Variants in DCDC1 observed in about 807,000 individuals in gnomAD.
DCDC1 encodes doublecortin domain containing 1, also known as doublecortin domain-containing protein 1.
A neutral mutation model predicts 178.3 loss-of-function variants in DCDC1; 200 were observed. That is an observed-to-expected ratio of 1.12 (90% CI 1.00 to 1.26). The LOEUF is 1.26. Among genes scored for constraint, DCDC1 ranks in the 50% most tolerant of loss-of-function variants. The probability of loss-of-function intolerance (pLI) is 0.00; values close to 1 mark genes in which losing one functional copy is unlikely to be tolerated. For missense variants in DCDC1, 1,983 were observed against 1,749.2 expected (o/e 1.13, Z -2.38); for synonymous variants, 690 against 604.8 (o/e 1.14, Z -2.07).
At chr11:31,094,538 G>A (rs531949459) in intron 15 of DCDC1, among the ~76,000 whole-genome samples, 2 of 152,180 alleles carry the variant, frequency 1.3e-5, no homozygotes, top group East Asian at 1.9e-4. Flanking sequence ...AAAATGGTAC[G>A]CTCATTTCTG....
rs1261361580 is a variant in DCDC1, at chr11:31,158,275, AT to A, written c.1222-20492del. 2.0e-5 allele frequency among the ~76,000 whole-genome samples: 3 copies of A among 150,548 alleles called. No individual in the cohort carries two copies. In the East Asian group the frequency reaches 5.9e-4, roughly 29 times the overall value. On this transcript the variant is annotated intron_variant, in intron 9 of 38. Coordinates refer to ENST00000684477, the MANE Select transcript of DCDC1 (RefSeq NM_001387274.1). ...AGGCACCCGCCATCACGCCCGGCTA[AT>A]TTTTTGCATTTTTTTTTTTTTTAGT...
At chr11:31,296,300 G>T (rs1337750112) in intron 6 of DCDC1, among the ~76,000 whole-genome samples, 2 of 152,086 alleles carry the variant, frequency 1.3e-5, no homozygotes, top group African/African-American at 4.8e-5. Context: ...TTGAAGCACT[G>T]TTTTACCTAA....
chr11:31,247,610 T>C (rs1943659868), intron 8 of DCDC1, among the ~76,000 whole-genome samples: 1 of 151,942 alleles, frequency 6.6e-6, no homozygotes, highest in Admixed American at 6.6e-5. Context: ...TGATTCTGAA[T>C]AGGGCCCATT....
chr11:31,039,188 A>G (rs991337885), intron 20 of DCDC1, among the ~76,000 whole-genome samples: 1 of 152,210 alleles, frequency 6.6e-6, no homozygotes, highest in Non-Finnish European at 1.5e-5. Flanking sequence ...GTTACAAGCT[A>G]TGATCCTTAG....
chr11:30,922,701 C>G, intron 23 of DCDC1, 63 bp from the exon 24 acceptor site: 1 of 1,400,052 alleles, frequency 7.1e-7, no homozygotes, highest in Non-Finnish European at 9.3e-7. Context: ...CTGTAATAAT[C>G]TAAACTGGAA....
intron 21 of DCDC1, chr11:30,943,475 A>G (rs2134406883): frequency 3.1e-6 from 1 of 318,998 alleles, no homozygotes; most frequent in East Asian, 8.0e-5. Context: ...TTTAATTTAG[A>G]TACTTTAAAA....
intron 11 of DCDC1, among the ~76,000 whole-genome samples, chr11:31,116,195 T>C (rs918201087): frequency 6.6e-6 from 1 of 151,650 alleles, no homozygotes; most frequent in Non-Finnish European, 1.5e-5. Context: ...GGGAAATCTT[T>C]AGAAATCAAG....
rs140093503 is a variant in DCDC1 at position 31,212,939 on chromosome 11, C to G, written c.1221+28511G>C. 1.2e-3 allele frequency among the ~76,000 whole-genome samples: 181 copies of G among 152,136 alleles called. 1 individual carries two copies. Among genetic ancestry groups the G allele is most frequent in the African/African-American group, 4.2e-3 (176 of 41,486 alleles). On this transcript the variant is annotated intron_variant, in intron 9 of 38. Coordinates refer to ENST00000684477, the MANE Select transcript of DCDC1 (RefSeq NM_001387274.1). ...TAACTGTTATGTAAGATGTGGTAAACCTGTGTACTACGTGAAGAAGAAATT... is the reference window on the plus strand; with the variant it reads ...TAACTGTTATGTAAGATGTGGTAAAGCTGTGTACTACGTGAAGAAGAAATT...
At chr11:30,953,000 T>G (rs1437568088) in intron 20 of DCDC1, among the ~76,000 whole-genome samples, 1 of 151,888 alleles carries the variant, frequency 6.6e-6, no homozygotes, top group Non-Finnish European at 1.5e-5. Flanking sequence ...TTTAAAGTAA[T>G]AGAAACAAAA....
At position 31,106,706 on chromosome 11, in the gene DCDC1, A is replaced by G; in HGVS notation, c.1751+91T>C. Reference sequence around the variant, plus strand: ...TGGAATTCAAAATAAAAAATGTTTCATGAAGGGTGCTACTTGACTTCTCAA... The same window carrying G: ...TGGAATTCAAAATAAAAAATGTTTCGTGAAGGGTGCTACTTGACTTCTCAA... On this transcript the variant is annotated intron_variant, in intron 13 of 38. Coordinates refer to ENST00000684477, the MANE Select transcript of DCDC1 (RefSeq NM_001387274.1). The G allele has an allele frequency of 4.2e-6, 3 of 714,726 alleles. No homozygotes were observed. The South Asian group carries it at 4.6e-5, about 11-fold the overall frequency. 44.3% of individuals were successfully genotyped at this position (714,726 alleles called of 1,614,324 possible). A position where few individuals can be genotyped will look rare whatever the true frequency, so the allele number is the denominator to read the frequency against.
chr11:31,358,553 A>G (rs1380187508), intron 1 of DCDC1, among the ~76,000 whole-genome samples: 11 of 151,894 alleles, frequency 7.2e-5, no homozygotes, highest in Admixed American at 7.2e-4. Context: ...CTAAAACACC[A>G]AAAGCAATGG....
chr11:30,886,284 T>G lies in DCDC1; in HGVS notation c.5083-4976A>C, dbSNP rs564803285. On this transcript the variant is annotated intron_variant, in intron 36 of 38. Coordinates refer to ENST00000684477, the MANE Select transcript of DCDC1 (RefSeq NM_001387274.1). ...TAAATAGAAAACAGAATAAATGTTATTAAGATAATAAAAAAATTCATAGAG... is the reference window on the plus strand; with the variant it reads ...TAAATAGAAAACAGAATAAATGTTAGTAAGATAATAAAAAAATTCATAGAG... Among the ~76,000 whole-genome samples the G allele has an allele frequency of 1.5e-4, 23 of 152,274 alleles. 1 individual carries two copies. The South Asian group carries it at 4.8e-3, about 32-fold the overall frequency.
At chr11:31,188,584 G>C (rs916763018) in intron 9 of DCDC1, among the ~76,000 whole-genome samples, 2 of 152,128 alleles carry the variant, frequency 1.3e-5, no homozygotes, top group African/African-American at 4.8e-5. Context: ...CAAATGAGCT[G>C]TATTATCATA....
At chr11:30,887,323 T>A (rs1272631097) in intron 36 of DCDC1, among the ~76,000 whole-genome samples, 1 of 152,210 alleles carries the variant, frequency 6.6e-6, no homozygotes, top group Non-Finnish European at 1.5e-5. Flanking sequence ...AACAACTCCT[T>A]TAAGGGGAAG....
chr11:31,118,855 T>C (rs570935828), intron 11 of DCDC1, among the ~76,000 whole-genome samples: 16 of 152,222 alleles, frequency 1.1e-4, no homozygotes, highest in Non-Finnish European at 1.8e-4. Flanking sequence ...TGGGAGCTAA[T>C]GCCCAGACCA....
At chr11:31,138,334 A>G (rs934711363) in intron 9 of DCDC1, among the ~76,000 whole-genome samples, 1 of 152,224 alleles carries the variant, frequency 6.6e-6, no homozygotes, top group African/African-American at 2.4e-5. Context: ...GTCTTCTACT[A>G]CTGCTGCCAA....
chr11:30,913,196 C>T (rs1329226401), intron 27 of DCDC1, among the ~76,000 whole-genome samples: 2 of 152,034 alleles, frequency 1.3e-5, no homozygotes, highest in Non-Finnish European at 2.9e-5. Context: ...CCGAGGAGGG[C>T]GGATCACAAG....
chr11:30,874,790 T>C (rs1185838754), intron 38 of DCDC1, among the ~76,000 whole-genome samples: 1 of 152,262 alleles, frequency 6.6e-6, no homozygotes, highest in South Asian at 2.1e-4. Context: ...AAAACCCTAA[T>C]ATCAGTTTCC....
rs538459262 is a variant in DCDC1, at chr11:30,924,794, C to T, written c.2997+515G>A. On this transcript the variant is annotated intron_variant, in intron 23 of 38. Coordinates refer to ENST00000684477, the MANE Select transcript of DCDC1 (RefSeq NM_001387274.1). ...TGAACATTAAGTAGATTAATTCGGC[C>T]GGGCGCGGTGGCCCACACCTGTAAT... 5.1e-3 allele frequency among the ~76,000 whole-genome samples: 775 copies of T among 152,084 alleles called. 3 individuals carry two copies. Among genetic ancestry groups the T allele is most frequent in the Non-Finnish European group, 7.6e-3 (517 of 67,966 alleles).
Sources: allele counts gnomAD v4.1 joint callset (sites outside exome capture counted in the v4.1 genomes callset), GRCh38; gene constraint gnomAD v4.1.1; transcripts MANE v1.5; gene names NCBI Gene and HGNC (gene_info 2026-07-23, HGNC 2026-07-21).